The following SNX29 variants were observed in gnomAD, a reference collection of about 807,000 sequenced individuals.
SNX29 encodes the protein sorting nexin-29.
SNX29 carries 78 observed loss-of-function variants against 102.1 expected under a neutral mutation model. The observed-to-expected ratio is 0.76, with a 90% CI of 0.64 to 0.92. The LOEUF (loss-of-function observed/expected upper bound fraction) is 0.92, where lower values mean the gene tolerates loss of function less well. SNX29 is among the 40% of genes least tolerant of loss of function. The pLI, the probability that SNX29 is intolerant of heterozygous loss-of-function variation, is 0.00. For synonymous variants in SNX29, 580 were observed against 414.5 expected (o/e 1.40, Z -4.85); for missense variants, 1,280 against 1,061.7 (o/e 1.21, Z -2.86).
At chr16:12,219,203 T>G (rs1254598525) in intron 14 of SNX29, among the ~76,000 whole-genome samples, 3 of 152,160 alleles carry the variant, frequency 2.0e-5, no homozygotes, top group African/African-American at 4.8e-5. Flanking sequence ...GCGTCCATCA[T>G]TTGGTTTGCA....
intron 15 of SNX29, among the ~76,000 whole-genome samples, chr16:12,315,659 G>A (rs994358682): frequency 1.1e-4 from 17 of 152,198 alleles, no homozygotes; most frequent in Admixed American, 6.5e-5. Flanking sequence ...AACCAACCCT[G>A]CTGGCACCTT....
rs531472584 is a variant in SNX29 at position 12,118,988 on chromosome 16, C to A, written c.1403-7645C>A. 3.9e-5 allele frequency among the ~76,000 whole-genome samples: 6 copies of A among 152,354 alleles called. No individual in the cohort carries two copies. The South Asian group carries it at 1.2e-3, about 32-fold the overall frequency. On this transcript the variant is annotated intron_variant, in intron 11 of 20. Coordinates refer to ENST00000566228, the MANE Select transcript of SNX29 (RefSeq NM_032167.5). ...TGCAAATGTGTGCTAATTACCTTGA[C>A]ATTTCCAAGCTGCTTGGTGCTCAGA...
intron 14 of SNX29, among the ~76,000 whole-genome samples, chr16:12,222,143 C>G (rs2077495570): frequency 6.6e-6 from 1 of 152,228 alleles, no homozygotes. Flanking sequence ...GATCTTCATT[C>G]TGCAGATGCA....
At chr16:12,470,312 T>C (rs1207139808) in intron 18 of SNX29, among the ~76,000 whole-genome samples, 4 of 152,224 alleles carry the variant, frequency 2.6e-5, no homozygotes, top group African/African-American at 9.6e-5. Context: ...ACGTTCGCTG[T>C]GTGTCAGTGA....
At chr16:12,179,670 T>C (rs898598485) in intron 13 of SNX29, among the ~76,000 whole-genome samples, 5 of 152,212 alleles carry the variant, frequency 3.3e-5, no homozygotes, top group African/African-American at 1.2e-4. Context: ...GCTAGTCGTT[T>C]AGGTTATTGC....
At chr16:12,306,495 G>C (rs1298331240) in intron 15 of SNX29, among the ~76,000 whole-genome samples, 3 of 152,050 alleles carry the variant, frequency 2.0e-5, no homozygotes, top group South Asian at 4.2e-4. Context: ...TAGAATCTTT[G>C]GCTGGAGAAT....
chr16:12,434,312 CTGTT>C (rs748017344), intron 18 of SNX29, among the ~76,000 whole-genome samples: 3 of 152,124 alleles, frequency 2.0e-5, no homozygotes, highest in Non-Finnish European at 4.4e-5. Flanking sequence ...TTTTGTTTCT[CTGTT>C]TGCCTGAAAT....
intron 13 of SNX29, among the ~76,000 whole-genome samples, chr16:12,169,157 C>A (rs1247933301): frequency 2.0e-5 from 3 of 152,308 alleles, no homozygotes; most frequent in South Asian, 4.1e-4. Context: ...GAATCGTATG[C>A]TTGAACTGGG....
At chr16:12,054,259 C>T (rs1053767669) in intron 8 of SNX29, among the ~76,000 whole-genome samples, 1 of 152,236 alleles carries the variant, frequency 6.6e-6, no homozygotes, top group South Asian at 2.1e-4. Flanking sequence ...AGCCACTGTG[C>T]CCAGCTATTC....
At chr16:12,248,535 G>A (rs1031431769) in intron 14 of SNX29, among the ~76,000 whole-genome samples, 12 of 151,858 alleles carry the variant, frequency 7.9e-5, no homozygotes, top group Admixed American at 3.3e-4. Flanking sequence ...GATTACAGGC[G>A]TGCACCACCA....
At position 12,568,958 on chromosome 16, in the gene SNX29, C is replaced by A. The variant is rs1598129853; in HGVS notation, c.*329C>A. On this transcript the variant is annotated 3_prime_UTR_variant, in exon 21 of 21. Transcript: ENST00000566228. ...GCAGGAGGGTGGGCACCAGGTCAGG[C>A]TGGGTGCGCCATGGTTGAGAGGCAA... The A allele has an allele frequency of 2.6e-6, 1 of 380,760 alleles. No homozygotes were observed. The allele number at this position is 380,760 out of a possible 1,614,324, so 23.6% of individuals were successfully genotyped here. A position where few individuals can be genotyped will look rare whatever the true frequency, so the allele number is the denominator to read the frequency against.
chr16:12,426,982 A>G (rs1008767211), intron 18 of SNX29, among the ~76,000 whole-genome samples: 1 of 152,210 alleles, frequency 6.6e-6, no homozygotes, highest in Non-Finnish European at 1.5e-5. Context: ...TGTAGATCTA[A>G]TATGTCAGCT....
At chr16:12,073,314 T>C (rs1256569998) in intron 10 of SNX29, among the ~76,000 whole-genome samples, 1 of 152,226 alleles carries the variant, frequency 6.6e-6, no homozygotes, top group Non-Finnish European at 1.5e-5. Context: ...CATTTAGTGC[T>C]ATAAATTTCC....
At position 12,061,585 on chromosome 16, in the gene SNX29, G is replaced by T; in HGVS notation, c.1182G>T (p.Val394=). 6.2e-7 allele frequency: 1 copy of T among 1,611,910 alleles called. No homozygotes were observed. Residue 394 remains valine, a synonymous_variant, in exon 9 of 21, where the codon GTG becomes GTT. Transcript: ENST00000566228. ...SQMHSWAPLK[V]LHNDSDILFP... ...TGCACAGCTGGGCTCCGCTGAAGGT[G>T]CTGCACAATGACTCCGACATCCTCT...
intron 13 of SNX29, among the ~76,000 whole-genome samples, chr16:12,179,472 A>T (rs1379037666): frequency 6.6e-6 from 1 of 152,260 alleles, no homozygotes; most frequent in Non-Finnish European, 1.5e-5. Context: ...TGACAGAGTG[A>T]GACCCTGTCT....
chr16:12,513,465 C>A (rs531654040), intron 19 of SNX29, among the ~76,000 whole-genome samples: 1 of 152,046 alleles, frequency 6.6e-6, no homozygotes, highest in Non-Finnish European at 1.5e-5. Context: ...CTGCTCTCTC[C>A]TTCCCTTCCG....
At chr16:12,554,218 G>C (rs950224325) in intron 20 of SNX29, among the ~76,000 whole-genome samples, 1 of 152,220 alleles carries the variant, frequency 6.6e-6, no homozygotes, top group Non-Finnish European at 1.5e-5. Flanking sequence ...CATATATAGA[G>C]CAAAACGTGA....
At chr16:12,249,123 C>T (rs1161803447) in intron 14 of SNX29, among the ~76,000 whole-genome samples, 1 of 152,138 alleles carries the variant, frequency 6.6e-6, no homozygotes. Context: ...GTTAGGGGTT[C>T]AGTCAGGGTG....
chr16:12,318,320 G>T (rs1421263569), intron 15 of SNX29, among the ~76,000 whole-genome samples: 11 of 152,200 alleles, frequency 7.2e-5, no homozygotes, highest in Admixed American at 6.5e-4. Flanking sequence ...GGCCCCTTTG[G>T]CATCGTGACT....
Sources: allele counts gnomAD v4.1 joint callset (sites outside exome capture counted in the v4.1 genomes callset), GRCh38; gene constraint gnomAD v4.1.1; transcripts MANE v1.5; gene names NCBI Gene and HGNC (gene_info 2026-07-23, HGNC 2026-07-21).